WWTR1: variants seen among roughly 807,000 people sequenced by gnomAD.
WWTR1 encodes WW domain-containing transcription regulator protein 1.
In WWTR1, 13 loss-of-function variants were observed where a neutral mutation model predicts 40.1. The observed-to-expected ratio is 0.32, with a 90% CI of 0.21 to 0.52. WWTR1 has a LOEUF of 0.52. Among genes scored for constraint, WWTR1 ranks in the 20% least tolerant of loss-of-function variants. The pLI, the probability that WWTR1 is intolerant of heterozygous loss-of-function variation, is 0.97. For synonymous variants in WWTR1, 230 were observed against 210.1 expected, an observed-to-expected ratio of 1.09 and a Z score of -0.82; for missense variants, 436 against 523.1, an observed-to-expected ratio of 0.83 and a Z score of 1.63.
chr3:149,653,440 T>A (rs1042475357), intron 2 of WWTR1, among the ~76,000 whole-genome samples: 2 of 152,184 alleles, frequency 1.3e-5, no homozygotes, highest in African/African-American at 4.8e-5. Flanking sequence ...CTCTAATTTT[T>A]AAAAACTTTT....
chr3:149,547,225 TA>T lies in WWTR1; in HGVS notation c.569-4689del, dbSNP rs55910448. ...TTTAGGGAGAGAACAATAGTTCCATTAAAAAAAAAAAAAAAAGAGCTAGGCG... is the reference window on the plus strand; with the variant it reads ...TTTAGGGAGAGAACAATAGTTCCATTAAAAAAAAAAAAAAAGAGCTAGGCG... On this transcript the variant is annotated intron_variant, in intron 3 of 6. Transcript: ENST00000360632. 4.9e-3 allele frequency among the ~76,000 whole-genome samples: 662 copies of T among 134,584 alleles called. 8 individuals carry two copies. Among genetic ancestry groups the T allele is most frequent in the African/African-American group, 0.015 (542 of 35,950 alleles). The allele number at this position is 134,584 out of a possible 152,430, so 88.3% of individuals were successfully genotyped here. A position where few individuals can be genotyped will look rare whatever the true frequency, so the allele number is the denominator to read the frequency against.
At chr3:149,714,024 C>T (rs992934975) in intron 5 of WWTR1, among the ~76,000 whole-genome samples, 12 of 152,232 alleles carry the variant, frequency 7.9e-5, no homozygotes, top group African/African-American at 2.9e-4. Context: ...CAGATCCCAC[C>T]GCTCTGGCAG....
At chr3:149,663,120 C>T (rs559635134) in intron 2 of WWTR1, among the ~76,000 whole-genome samples, 7 of 152,170 alleles carry the variant, frequency 4.6e-5, no homozygotes, top group Admixed American at 3.9e-4. Context: ...GCAACATCCG[C>T]CTCCCGGGTT....
At chr3:149,656,679 AT>A (rs1713220078) in intron 2 of WWTR1, among the ~76,000 whole-genome samples, 196 bp downstream of exon 2, 2 of 151,406 alleles carry the variant, frequency 1.3e-5, no homozygotes, top group African/African-American at 2.4e-5. Flanking sequence ...ATCCCTTACA[AT>A]TCCAACACTC....
At chr3:149,707,138 C>T (rs1296412183), upstream of WWTR1, among the ~76,000 whole-genome samples, 2 of 152,068 alleles carry the variant, frequency 1.3e-5, no homozygotes, top group African/African-American at 2.4e-5. Flanking sequence ...GTGTTGTGTG[C>T]ATTAGTTATG....
intron 2 of WWTR1, among the ~76,000 whole-genome samples, chr3:149,583,302 T>G (rs935489147): frequency 3.9e-5 from 6 of 152,182 alleles, no homozygotes; most frequent in African/African-American, 1.4e-4. Context: ...TAATAGGAAG[T>G]GGAATGTATT....
chr3:149,622,450 A>AAGGAAGG (rs1740323188), intron 2 of WWTR1, among the ~76,000 whole-genome samples: 10 of 98,608 alleles, frequency 1.0e-4, no homozygotes, highest in African/African-American at 3.8e-4. Context: ...AGAAAGAAAG[A>AAGGAAGG]AAGGAAGGAA....
At chr3:149,700,699 T>C (rs1173484070) in intron 1 of WWTR1, among the ~76,000 whole-genome samples, 1 of 152,190 alleles carries the variant, frequency 6.6e-6, no homozygotes, top group Non-Finnish European at 1.5e-5. Flanking sequence ...TATGCAAAAT[T>C]GGTAACAATA....
At chr3:149,608,344 A>C (rs1050371438) in intron 2 of WWTR1, among the ~76,000 whole-genome samples, 3 of 151,992 alleles carry the variant, frequency 2.0e-5, no homozygotes, top group Non-Finnish European at 2.9e-5. Context: ...CCATCACCAG[A>C]GCCTGCACAG....
intron 2 of WWTR1, among the ~76,000 whole-genome samples, chr3:149,596,371 C>T (rs1026954765): frequency 6.6e-6 from 1 of 152,184 alleles, no homozygotes; most frequent in East Asian, 1.9e-4. Flanking sequence ...GGGGAATTAG[C>T]CCTGGCATTT....
chr3:149,696,287 A>T (rs954801081), intron 1 of WWTR1, among the ~76,000 whole-genome samples: 1 of 152,110 alleles, frequency 6.6e-6, no homozygotes, highest in Non-Finnish European at 1.5e-5. Context: ...GGCAACACCA[A>T]GCACTTAGAT....
intron 4 of WWTR1, among the ~76,000 whole-genome samples, chr3:149,539,982 A>C (rs757934050): frequency 3.3e-5 from 5 of 152,136 alleles, no homozygotes; most frequent in South Asian, 2.1e-4. Context: ...GCCATGATTA[A>C]AAAGTCTATT....
chr3:149,711,918 C>CT (rs1323771964), intron 5 of WWTR1, among the ~76,000 whole-genome samples: 1 of 152,166 alleles, frequency 6.6e-6, no homozygotes, highest in African/African-American at 2.4e-5. Context: ...CTGAAATCAT[C>CT]TTTTTTATTT....
upstream of WWTR1, among the ~76,000 whole-genome samples, chr3:149,662,023 G>T (rs542591575): frequency 6.6e-6 from 1 of 152,076 alleles, no homozygotes; most frequent in Non-Finnish European, 1.5e-5. Flanking sequence ...GAGCCACCTC[G>T]CCCGGCCAAA....
chr3:149,562,600 G>C (rs1463571846), intron 3 of WWTR1, among the ~76,000 whole-genome samples: 2 of 135,812 alleles, frequency 1.5e-5, no homozygotes, highest in African/African-American at 2.8e-5. Context: ...TTAAAATACA[G>C]ACACACACAC....
At chr3:149,715,503 G>C (rs143276645) in intron 5 of WWTR1, among the ~76,000 whole-genome samples, 1 of 152,180 alleles carries the variant, frequency 6.6e-6, no homozygotes, top group Non-Finnish European at 1.5e-5. Context: ...CGGATCCCAC[G>C]CTTGCTTACA....
At chr3:149,598,021 T>G (rs1353557971) in intron 2 of WWTR1, among the ~76,000 whole-genome samples, 1 of 152,214 alleles carries the variant, frequency 6.6e-6, no homozygotes, top group Non-Finnish European at 1.5e-5. Flanking sequence ...TGTACTCAAG[T>G]GCATGCCTGC....
intron 3 of WWTR1, among the ~76,000 whole-genome samples, chr3:149,549,115 A>G (rs1241752310): frequency 3.3e-5 from 5 of 152,244 alleles, no homozygotes; most frequent in African/African-American, 1.2e-4. Context: ...AAAATCATTT[A>G]TGTAGACACA....
intron 2 of WWTR1, among the ~76,000 whole-genome samples, chr3:149,618,669 T>C (rs562242113): frequency 6.6e-6 from 1 of 151,934 alleles, no homozygotes; most frequent in South Asian, 2.1e-4. Flanking sequence ...AGTACAGGGG[T>C]TTTGAGGAGT....
Sources: gnomAD v4.1 joint callset for allele counts (sites outside exome capture counted in the v4.1 genomes callset) on GRCh38, gnomAD v4.1.1 for gene constraint, MANE v1.5 for transcripts, NCBI Gene and HGNC (gene_info 2026-07-23, HGNC 2026-07-21) for gene names.